Variants in SH2D4B observed in about 807,000 individuals in gnomAD.
The protein encoded by SH2D4B is SH2 domain-containing protein 4B.
A neutral mutation model predicts 61.5 loss-of-function variants in SH2D4B; 45 were observed. The ratio of observed to expected loss-of-function variants is 0.73; its 90% CI spans 0.58 to 0.94. SH2D4B has a LOEUF of 0.94. SH2D4B is among the 40% of genes least tolerant of loss of function. SH2D4B has a pLI of 0.00. For synonymous variants in SH2D4B, 224 were observed against 220.4 expected (o/e 1.02, Z -0.14); for missense variants, 572 against 574.2 (o/e 1.00, Z 0.04).
At chr10:80,579,118 G>A (rs1204322007) in intron 3 of SH2D4B, among the ~76,000 whole-genome samples, 2 of 152,132 alleles carry the variant, frequency 1.3e-5, no homozygotes, top group African/African-American at 4.8e-5. Flanking sequence ...GAGGAGAGGT[G>A]AGAGCTTGGG....
intron 1 of SH2D4B, among the ~76,000 whole-genome samples, chr10:80,554,146 T>G (rs1841796747): frequency 2.6e-5 from 4 of 152,214 alleles, no homozygotes; most frequent in Admixed American, 2.6e-4. Flanking sequence ...TCCAGAAGAT[T>G]AAAGTTTACA....
intron 5 of SH2D4B, among the ~76,000 whole-genome samples, chr10:80,607,869 G>C (rs1277895484): frequency 6.6e-6 from 1 of 152,178 alleles, no homozygotes; most frequent in African/African-American, 2.4e-5. Context: ...TGTTCAAGGT[G>C]GGCTGTTGCC....
At chr10:80,638,012 T>A (rs1440500226) in intron 7 of SH2D4B, among the ~76,000 whole-genome samples, 2 of 152,224 alleles carry the variant, frequency 1.3e-5, no homozygotes, top group African/African-American at 4.8e-5. Flanking sequence ...CTGAATTTTG[T>A]CAAAGGCCTT....
At chr10:80,553,820 T>C (rs7096348) in intron 1 of SH2D4B, among the ~76,000 whole-genome samples, 14,633 of 152,270 alleles carry the variant, frequency 0.096, 813 homozygotes, top group African/African-American at 0.14. Context: ...GCTGGACTTT[T>C]GCCTCCTTTA....
intron 6 of SH2D4B, among the ~76,000 whole-genome samples, chr10:80,614,165 C>T (rs1181048153): frequency 6.6e-6 from 1 of 152,102 alleles, no homozygotes; most frequent in Non-Finnish European, 1.5e-5. Flanking sequence ...TAAACAAATA[C>T]CCGAGGCTGG....
At chr10:80,598,891 G>A (rs994353826) in intron 4 of SH2D4B, among the ~76,000 whole-genome samples, 5 of 151,968 alleles carry the variant, frequency 3.3e-5, no homozygotes, top group South Asian at 2.1e-4. Context: ...TGTAAAAACT[G>A]GACATTTATC....
intron 6 of SH2D4B, among the ~76,000 whole-genome samples, chr10:80,624,357 C>T (rs1842749236): frequency 7.9e-5 from 12 of 152,202 alleles, no homozygotes; most frequent in Admixed American, 7.9e-4. Flanking sequence ...TCTTCTCTGC[C>T]TCTTCCCAGC....
intron 6 of SH2D4B, among the ~76,000 whole-genome samples, chr10:80,622,707 T>G (rs1016420264): frequency 3.9e-5 from 6 of 152,210 alleles, no homozygotes; most frequent in Non-Finnish European, 7.4e-5. Context: ...CCACTCTCAG[T>G]TGGTCTCCTG....
intron 3 of SH2D4B, among the ~76,000 whole-genome samples, chr10:80,587,607 A>G (rs1454838850): frequency 6.6e-6 from 1 of 151,896 alleles, no homozygotes; most frequent in Non-Finnish European, 1.5e-5. Flanking sequence ...CTTTTATTTT[A>G]GATTCCAGAG....
intron 6 of SH2D4B, among the ~76,000 whole-genome samples, chr10:80,610,050 A>G (rs552409568): frequency 6.8e-4 from 103 of 152,260 alleles, no homozygotes; most frequent in Non-Finnish European, 1.0e-3. Context: ...CCTTGTTTCC[A>G]AAGCTCTGGC....
At chr10:80,542,573 T>C (rs1228527711) in intron 1 of SH2D4B, among the ~76,000 whole-genome samples, 1 of 151,872 alleles carries the variant, frequency 6.6e-6, no homozygotes, top group African/African-American at 2.4e-5. Context: ...AATTTTTGTA[T>C]TTAATAGAGA....
Position 80,634,200 on chromosome 10 carries a change from T to C in SH2D4B, c.989-85T>C, listed in dbSNP as rs1589365167. The C allele has an allele frequency of 3.5e-6, 5 of 1,449,056 alleles. No individual in the cohort carries two copies. The South Asian group carries it at 7.4e-5, about 21-fold the overall frequency. The allele number at this position is 1,449,056 out of a possible 1,614,324, so 89.8% of individuals were successfully genotyped here. ...ATGGCATGTGCACTGAGCCACAGGG[T>C]GAGGGGCAGGGAGGAGTGGAGAATC... On this transcript the variant is annotated intron_variant, in intron 6 of 7. Coordinates refer to ENST00000646907, the MANE Select transcript of SH2D4B (RefSeq NM_001388272.1).
chr10:80,609,367 C>T (rs1842564147), intron 5 of SH2D4B, 57 bp from the exon 6 acceptor site: 17 of 1,573,910 alleles, frequency 1.1e-5, no homozygotes, highest in Non-Finnish European at 1.5e-5. Flanking sequence ...CCTTCCTCTC[C>T]CTCCGCTCTT....
intron 4 of SH2D4B, among the ~76,000 whole-genome samples, chr10:80,594,565 T>A (rs1842365634): frequency 6.6e-6 from 1 of 152,230 alleles, no homozygotes; most frequent in Admixed American, 6.5e-5. Context: ...AGGAATTAAT[T>A]TTTCTTGAAA....
At chr10:80,615,212 C>T (rs549047474) in intron 6 of SH2D4B, among the ~76,000 whole-genome samples, 1 of 152,358 alleles carries the variant, frequency 6.6e-6, no homozygotes, top group Non-Finnish European at 1.5e-5. Context: ...CCATGCAGTC[C>T]TGCATCCCAT....
At chr10:80,595,330 G>C (rs904811909) in intron 4 of SH2D4B, among the ~76,000 whole-genome samples, 2 of 152,208 alleles carry the variant, frequency 1.3e-5, no homozygotes, top group Admixed American at 1.3e-4. Flanking sequence ...ATTTACAAAA[G>C]AGCTTGAAAA....
At chr10:80,598,009 A>G (rs184111131) in intron 4 of SH2D4B, among the ~76,000 whole-genome samples, 186 of 152,332 alleles carry the variant, frequency 1.2e-3, no homozygotes, top group Non-Finnish European at 1.9e-3. Context: ...GAGGCAGAGC[A>G]AAGGTTTATA....
chr10:80,540,810 G>T, intron 1 of SH2D4B: 1 of 1,548,778 alleles, frequency 6.5e-7, no homozygotes, highest in African/African-American at 1.4e-5. Flanking sequence ...CAAGGGTGAG[G>T]CTTGGTTCAA....
rs2132162183 is a variant in SH2D4B, at chr10:80,634,448, C to A, written c.1152C>A (p.Phe384Leu). The A allele has an allele frequency of 6.4e-7, 1 of 1,550,494 alleles. No individual in the cohort carries two copies. The highest frequency in any genetic ancestry group is 1.2e-5 in the South Asian group (1 of 84,056). Residue 384 changes from phenylalanine (F) to leucine (L), a missense_variant, in exon 7 of 8, where the codon TTC becomes TTA. By Grantham distance (22) the Phe-to-Leu change is conservative. Transcript: ENST00000646907. ...LVDASGDFYS[F>L]LGVDPNRHAT... ...ATGCTTCTGGGGATTTTTACAGCTT[C>A]CTGGGAGTGGACCCCAATCGCCATG...
Sources: allele counts gnomAD v4.1 joint callset (sites outside exome capture counted in the v4.1 genomes callset), GRCh38; gene constraint gnomAD v4.1.1; transcripts MANE v1.5; gene names NCBI Gene and HGNC (gene_info 2026-07-23, HGNC 2026-07-21).